POU3F3: variants seen among roughly 807,000 people sequenced by gnomAD.
POU3F3 encodes POU class 3 homeobox 3, also known as POU domain, class 3, transcription factor 3.
POU3F3 carries 1 observed loss-of-function variant against 8.6 expected under a neutral mutation model. That is an observed-to-expected ratio of 0.12 (90% CI 0.04 to 0.55). The LOEUF (loss-of-function observed/expected upper bound fraction) is 0.55, where lower values mean the gene tolerates loss of function less well. Among genes scored for constraint, POU3F3 ranks in the 20% least tolerant of loss-of-function variants. The pLI is 0.91. For missense variants in POU3F3, 577 were observed against 690.7 expected, an observed-to-expected ratio of 0.84 and a Z score of 1.84; for synonymous variants, 418 against 327.4, an observed-to-expected ratio of 1.28 and a Z score of -2.99.
At chr2:104,922,174 A>G in the POU3F3 span, among the ~76,000 whole-genome samples, 34 of 151,968 alleles carry the variant, frequency 2.2e-4, no homozygotes, top group African/African-American at 8.0e-4. Flanking sequence ...AAATCAACAA[A>G]CTCTGAGGAA....
At chr2:104,897,549 C>T in the POU3F3 span, among the ~76,000 whole-genome samples, 1 of 152,178 alleles carries the variant, frequency 6.6e-6, no homozygotes, top group Non-Finnish European at 1.5e-5. Flanking sequence ...CTCACAAGCC[C>T]ACTTAGTGGT....
At chr2:104,886,958 G>T in the POU3F3 span, among the ~76,000 whole-genome samples, 7 of 151,512 alleles carry the variant, frequency 4.6e-5, no homozygotes, top group Admixed American at 3.9e-4. Context: ...GAAAGCAAAG[G>T]AAAAAAAAGG....
chr2:104,916,167 A>G, the POU3F3 span, among the ~76,000 whole-genome samples: 3 of 152,306 alleles, frequency 2.0e-5, no homozygotes, highest in East Asian at 5.8e-4. Flanking sequence ...TTAAAGATAA[A>G]TATAACTCAT....
chr2:104,901,145 G>A, the POU3F3 span, among the ~76,000 whole-genome samples: 1 of 152,156 alleles, frequency 6.6e-6, no homozygotes, highest in Non-Finnish European at 1.5e-5. Flanking sequence ...GAGACAGCAA[G>A]GACACTAATT....
chr2:104,875,368 GA>G, the POU3F3 span, among the ~76,000 whole-genome samples: 1 of 152,170 alleles, frequency 6.6e-6, no homozygotes, highest in Non-Finnish European at 1.5e-5. Context: ...TAGAATTGCT[GA>G]ATCATAAGGT....
At chr2:104,923,353 A>G in the POU3F3 span, among the ~76,000 whole-genome samples, 1 of 152,228 alleles carries the variant, frequency 6.6e-6, no homozygotes, top group Non-Finnish European at 1.5e-5. Context: ...GCCATGCAAT[A>G]TTTAAACATG....
chr2:104,895,232 C>T, the POU3F3 span, among the ~76,000 whole-genome samples: 1 of 152,164 alleles, frequency 6.6e-6, no homozygotes, highest in Non-Finnish European at 1.5e-5. Context: ...GCCAATCAAA[C>T]TTGATGAAAA....
At chr2:104,877,723 A>G in the POU3F3 span, among the ~76,000 whole-genome samples, 1 of 150,926 alleles carries the variant, frequency 6.6e-6, no homozygotes, top group Non-Finnish European at 1.5e-5. Flanking sequence ...CAGTGGCACA[A>G]TCTTGTCTCA....
chr2:104,924,089 A>C, the POU3F3 span, among the ~76,000 whole-genome samples: 2 of 152,234 alleles, frequency 1.3e-5, no homozygotes, highest in Non-Finnish European at 2.9e-5. Flanking sequence ...TGCACAACAT[A>C]AATGTACTTA....
chr2:104,905,110 A>T, the POU3F3 span, among the ~76,000 whole-genome samples: 1 of 152,114 alleles, frequency 6.6e-6, no homozygotes, highest in Admixed American at 6.5e-5. Context: ...GACACCTGGA[A>T]CTCCTAGCTG....
the POU3F3 span, among the ~76,000 whole-genome samples, chr2:104,887,726 C>A: frequency 6.6e-6 from 1 of 152,210 alleles, no homozygotes; most frequent in Non-Finnish European, 1.5e-5. Context: ...TTCCTAGTCC[C>A]AGGTGCATTC....
chr2:104,925,279 A>C, the POU3F3 span, among the ~76,000 whole-genome samples: 1 of 152,184 alleles, frequency 6.6e-6, no homozygotes, highest in East Asian at 1.9e-4. Context: ...ATTAGAGAAC[A>C]CTTTGTTGAT....
chr2:104,857,085 C>A lies in POU3F3; in HGVS notation c.*72C>A. The A allele has an allele frequency of 9.8e-7, 1 of 1,019,452 alleles. No homozygotes were observed. Among genetic ancestry groups the A allele is most frequent in the Non-Finnish European group, 1.2e-6 (1 of 853,190 alleles). 63.2% of individuals were successfully genotyped at this position (1,019,452 alleles called of 1,614,324 possible). Reference sequence around the variant, plus strand: ...AGCCGCCGTCAGCACCGCCGCCGCCCCTGCCGCCGCCGCCGCCGCCGCCGC... The same window carrying A: ...AGCCGCCGTCAGCACCGCCGCCGCCACTGCCGCCGCCGCCGCCGCCGCCGC... On this transcript the variant is annotated 3_prime_UTR_variant, in exon 1 of 1. Coordinates refer to ENST00000361360, the MANE Select transcript of POU3F3 (RefSeq NM_006236.3).
chr2:104,921,956 C>T, the POU3F3 span, among the ~76,000 whole-genome samples: 1 of 152,204 alleles, frequency 6.6e-6, no homozygotes, highest in Admixed American at 6.5e-5. Flanking sequence ...GAGATCACTC[C>T]ACTGCACTCC....
the POU3F3 span, among the ~76,000 whole-genome samples, chr2:104,882,316 G>A: frequency 2.0e-5 from 3 of 147,258 alleles, no homozygotes; most frequent in African/African-American, 7.6e-5. Flanking sequence ...GTGTGATCTC[G>A]GCTCACTGCA....
rs942715656 is a variant in POU3F3, at chr2:104,855,185, C to A, written c.-326C>A. Among the ~76,000 whole-genome samples the A allele has an allele frequency of 3.3e-5, 5 of 151,668 alleles. No individual in the cohort carries two copies. The highest frequency in any genetic ancestry group is 1.2e-4 in the African/African-American group (5 of 41,376). On this transcript the variant is annotated 5_prime_UTR_variant, in exon 1 of 1. Transcript: ENST00000361360. ...CACGGAGCGCACCCCGAGAAGCGAG[C>A]CCCCCTCCCCAGAGCGCTGCTCCTG...
At chr2:104,921,843 A>C in the POU3F3 span, among the ~76,000 whole-genome samples, 1 of 152,156 alleles carries the variant, frequency 6.6e-6, no homozygotes, top group African/African-American at 2.4e-5. Context: ...TAAAAAATAC[A>C]AAAATTAGCC....
chr2:104,871,297 A>G, the POU3F3 span, among the ~76,000 whole-genome samples: 1 of 152,244 alleles, frequency 6.6e-6, no homozygotes, highest in Non-Finnish European at 1.5e-5. Flanking sequence ...TCTGAGAAAA[A>G]TAAGTTCAAC....
At chr2:104,925,435 G>A in the POU3F3 span, among the ~76,000 whole-genome samples, 139 of 152,182 alleles carry the variant, frequency 9.1e-4, 1 homozygote, top group South Asian at 7.3e-3. Context: ...AATTCCCAAG[G>A]TTTCCTCTTA....
Sources: allele counts gnomAD v4.1 joint callset (sites outside exome capture counted in the v4.1 genomes callset), GRCh38; gene constraint gnomAD v4.1.1; transcripts MANE v1.5; gene names NCBI Gene and HGNC (gene_info 2026-07-23, HGNC 2026-07-21).